Variants in NRG4 observed in about 807,000 individuals in gnomAD.
The protein encoded by NRG4 is neuregulin 4.
A neutral mutation model predicts 15.0 loss-of-function variants in NRG4; 10 were observed. The ratio of observed to expected loss-of-function variants is 0.67; its 90% CI spans 0.41 to 1.13. NRG4 has a LOEUF of 1.13. Among genes scored for constraint, NRG4 ranks in the 50% most tolerant of loss-of-function variants. The pLI, the probability that NRG4 is intolerant of heterozygous loss-of-function variation, is 0.00. For missense variants in NRG4, 139 were observed against 140.2 expected (o/e 0.99, Z 0.04); for synonymous variants, 41 against 50.1 (o/e 0.82, Z 0.77).
At chr15:75,972,732 A>G (rs936318531) in intron 3 of NRG4, among the ~76,000 whole-genome samples, 1 of 151,828 alleles carries the variant, frequency 6.6e-6, no homozygotes, top group African/African-American at 2.4e-5. Flanking sequence ...TGGTCTATAT[A>G]TCTGTTTTGG....
intron 3 of NRG4, among the ~76,000 whole-genome samples, chr15:75,988,970 A>C (rs2033905866): frequency 6.8e-6 from 1 of 147,234 alleles, no homozygotes; most frequent in South Asian, 2.1e-4. Context: ...TGATCCTCCC[A>C]TCTCAGCCTC....
chr15:76,033,389 G>A (rs2035523651), intron 5 of NRG4, among the ~76,000 whole-genome samples: 1 of 152,124 alleles, frequency 6.6e-6, no homozygotes, highest in South Asian at 2.1e-4. Flanking sequence ...AATCACATCT[G>A]TATTTCAAAA....
chr15:76,006,668 C>G (rs1464156373), intron 3 of NRG4, among the ~76,000 whole-genome samples: 1 of 152,174 alleles, frequency 6.6e-6, no homozygotes, highest in Non-Finnish European at 1.5e-5. Flanking sequence ...TTCAGCTACT[C>G]CCAATTACTA....
chr15:76,006,831 G>A (rs963015747), intron 3 of NRG4, among the ~76,000 whole-genome samples: 2 of 152,212 alleles, frequency 1.3e-5, no homozygotes, highest in East Asian at 3.9e-4. Context: ...GACAACCTAG[G>A]TTTCTTTCCA....
At chr15:76,002,494 A>G (rs1311299836) in intron 3 of NRG4, among the ~76,000 whole-genome samples, 1 of 152,206 alleles carries the variant, frequency 6.6e-6, no homozygotes, top group Non-Finnish European at 1.5e-5. Flanking sequence ...AAACCTAGCC[A>G]TATCAGTAAG....
intron 5 of NRG4, among the ~76,000 whole-genome samples, chr15:75,944,398 T>G (rs1264351828): frequency 1.3e-5 from 2 of 152,228 alleles, no homozygotes; most frequent in African/African-American, 4.8e-5. Context: ...TAGGGCATTA[T>G]TGCAGTAGGG....
intron 5 of NRG4, among the ~76,000 whole-genome samples, chr15:75,948,597 C>T (rs1435481376): frequency 7.9e-5 from 12 of 151,640 alleles, no homozygotes; most frequent in South Asian, 2.1e-4. Context: ...CTGCGCCGCC[C>T]GGCCCTAGTT....
In NRG4 at chr15:75,966,282, A is replaced by C. The variant is rs113508415; in HGVS notation, c.105-4308T>G. Among the ~76,000 whole-genome samples the C allele has an allele frequency of 5.3e-3, 813 of 152,340 alleles. 10 individuals carry two copies. Among genetic ancestry groups the C allele is most frequent in the African/African-American group, 0.019 (770 of 41,564 alleles). ...AACAAACAGAGCACCATTTAGCTTC[A>C]AGAAACATTACTGGACTGTGAACTG... On this transcript the variant is annotated intron_variant, in intron 3 of 5. Coordinates refer to ENST00000394907, the MANE Select transcript of NRG4 (RefSeq NM_138573.4).
intron 4 of NRG4, among the ~76,000 whole-genome samples, chr15:76,041,205 A>AAAATC (rs2035728808): frequency 6.6e-6 from 1 of 152,146 alleles, no homozygotes. Flanking sequence ...ACCACCAGAG[A>AAAATC]AAATCACCTT....
At chr15:75,982,166 T>C (rs1012242416) in intron 3 of NRG4, among the ~76,000 whole-genome samples, 2 of 152,168 alleles carry the variant, frequency 1.3e-5, no homozygotes, top group Non-Finnish European at 2.9e-5. Context: ...AATAAGGATA[T>C]TGTCGATCCC....
chr15:75,949,598 C>T (rs2031757717), intron 5 of NRG4, among the ~76,000 whole-genome samples: 1 of 152,100 alleles, frequency 6.6e-6, no homozygotes, highest in Non-Finnish European at 1.5e-5. Context: ...TTACATGAAG[C>T]CCAATTTATG....
chr15:76,042,360 A>G (rs2035763098), intron 4 of NRG4, among the ~76,000 whole-genome samples: 1 of 152,140 alleles, frequency 6.6e-6, no homozygotes, highest in African/African-American at 2.4e-5. Context: ...ACAAAAGATC[A>G]ATGAAATAAA....
intron 5 of NRG4, among the ~76,000 whole-genome samples, chr15:76,025,178 A>G (rs1443267201): frequency 6.6e-6 from 1 of 151,952 alleles, no homozygotes; most frequent in Non-Finnish European, 1.5e-5. Context: ...GGTGGCTCAC[A>G]CCTGTAATCC....
chr15:76,055,298 A>G (rs2036126697), intron 2 of NRG4, among the ~76,000 whole-genome samples: 1 of 152,188 alleles, frequency 6.6e-6, no homozygotes, highest in Admixed American at 6.5e-5. Context: ...AAATTATTCA[A>G]GAGGATAATT....
chr15:76,055,128 C>CA lies in NRG4; in HGVS notation c.-262+1825dup, dbSNP rs1178612589. Among the ~76,000 whole-genome samples, 4 of 152,006 alleles carry CA rather than the reference C, an allele frequency of 2.6e-5. 1 individual carries two copies. Among genetic ancestry groups the CA allele is most frequent in the Admixed American group, 2.6e-4 (4 of 15,262 alleles). ...AACCCCAACTCTACTGAAAAAAATA[C>CA]AAAAATTAGCAAGGCGTGGTGCTGG... On this transcript the variant is annotated intron_variant, in intron 2 of 8. Transcript: ENST00000563910.
chr15:75,940,207 C>G (rs559325330), downstream of NRG4: 1 of 151,064 alleles, frequency 6.6e-6, no homozygotes, highest in South Asian at 2.1e-4. Flanking sequence ...CAATGAACAA[C>G]CTGAGAAGGA....
At chr15:76,019,490 T>C (rs960119285) in intron 5 of NRG4, among the ~76,000 whole-genome samples, 2 of 152,138 alleles carry the variant, frequency 1.3e-5, no homozygotes, top group Non-Finnish European at 2.9e-5. Flanking sequence ...CCTGATGGCG[T>C]AGGCACGTGA....
intron 5 of NRG4, 111 bp downstream of exon 5, chr15:75,955,821 G>T: frequency 1.6e-4 from 68 of 420,214 alleles, no homozygotes; most frequent in Non-Finnish European, 2.3e-4. Context: ...CCATAGAAAA[G>T]TTTAGGCTCA....
At chr15:76,008,222 C>T (rs914533222) in intron 3 of NRG4, among the ~76,000 whole-genome samples, 1 of 152,034 alleles carries the variant, frequency 6.6e-6, no homozygotes, top group African/African-American at 2.4e-5. Flanking sequence ...TTTGTTCCTC[C>T]ATTCCCTTCC....
Sources: allele counts gnomAD v4.1 joint callset (sites outside exome capture counted in the v4.1 genomes callset), GRCh38; gene constraint gnomAD v4.1.1; transcripts MANE v1.5; gene names NCBI Gene and HGNC (gene_info 2026-07-23, HGNC 2026-07-21).